The following EHBP1L1 variants were observed in gnomAD, a reference collection of about 807,000 sequenced individuals.
EHBP1L1 encodes EH domain-binding protein 1-like protein 1.
In EHBP1L1, 122 loss-of-function variants were observed where a neutral mutation model predicts 151.1. The ratio of observed to expected loss-of-function variants is 0.81; its 90% confidence interval spans 0.70 to 0.94. The LOEUF (loss-of-function observed/expected upper bound fraction) is 0.94, where lower values mean the gene tolerates loss of function less well. Among genes scored for constraint, EHBP1L1 ranks in the 40% least tolerant of loss-of-function variants. The probability of loss-of-function intolerance (pLI) is 0.00; values close to 1 mark genes in which losing one functional copy is unlikely to be tolerated. For synonymous variants in EHBP1L1, 878 were observed against 810.1 expected (o/e 1.08, Z -1.42); for missense variants, 1,941 against 1,959.8 (o/e 0.99, Z 0.18).
At chr11:65,589,906 G>T (rs982114926) in intron 13 of EHBP1L1, 30 bp from the exon 14 acceptor site, 1 of 1,539,596 alleles carries the variant, frequency 6.5e-7, no homozygotes, top group Non-Finnish European at 8.8e-7. Flanking sequence ...TGGTGGTTAG[G>T]GGGTGCCTTA....
At position 65,592,293 on chromosome 11, in the gene EHBP1L1, G is replaced by A. The variant is rs1322195435; in HGVS notation, c.4563G>A (p.Val1521=). 4 of 1,514,162 alleles carry A rather than the reference G, an allele frequency of 2.6e-6. No homozygotes were observed. Among genetic ancestry groups the A allele is most frequent in the Non-Finnish European group, 3.5e-6 (4 of 1,138,458 alleles). The allele number at this position is 1,514,162 out of a possible 1,614,324, so 93.8% of individuals were successfully genotyped here. ...AGTTGAGCCGGCGGGAGCGCTGCGT[G>A]CTGAGCTGAGGCCGCCGGCCCGGGT... is the stretch of plus-strand genomic sequence containing the variant. The part of the protein sequence containing the change: ...SRQLSRRERC[V]LS Residue 1521 remains valine (V), a synonymous_variant, in exon 19 of 19, where the codon GTG becomes GTA. Coordinates refer to ENST00000309295, the MANE Select transcript of EHBP1L1 (RefSeq NM_001099409.3).
chr11:65,578,008 G>T (rs1332098793), intron 1 of EHBP1L1, among the ~76,000 whole-genome samples: 3 of 152,148 alleles, frequency 2.0e-5, no homozygotes, highest in Non-Finnish European at 2.9e-5. Context: ...CACCCCTCCT[G>T]GGCAGCAGTT....
chr11:65,585,317 ACGGCGGGGCCGAGG>A lies in EHBP1L1; in HGVS notation c.3661_3674del (p.Gly1221ProfsTer92). The A allele has an allele frequency of 9.5e-7, 1 of 1,054,164 alleles. No homozygotes were observed. The highest frequency in any genetic ancestry group is 1.1e-6 in the Non-Finnish European group (1 of 877,056). 65.3% of individuals were successfully genotyped at this position (1,054,164 alleles called of 1,614,324 possible). ...GCGGTCGCGGGCCGCGCCTCCAAGG[ACGGCGGGGCCGAGG>A]CCCCCCGAGAGTCGCGACCCGCGGA... On this transcript the variant is annotated frameshift_variant, in exon 12 of 19. Coordinates refer to ENST00000309295, the MANE Select transcript of EHBP1L1 (RefSeq NM_001099409.3). LOFTEE classifies it high-confidence loss of function. The surrounding 1 kb of genome is among the most constrained non-coding windows in gnomAD (Gnocchi z 4.0).
chr11:65,592,379 C>A lies in EHBP1L1; in HGVS notation c.*77C>A. On this transcript the variant is annotated 3_prime_UTR_variant, in exon 19 of 19. Transcript: ENST00000309295. ...CGCCCCGGGCCTGCGCTGCGGACGA[C>A]CCGGCCGTCCCGGAGGCCGCGCGCG... 9.0e-7 allele frequency: 1 copy of A among 1,107,210 alleles called. No homozygotes were observed. The highest frequency in any genetic ancestry group is 1.1e-6 in the Non-Finnish European group (1 of 893,624). 68.6% of individuals were successfully genotyped at this position (1,107,210 alleles called of 1,614,324 possible). A position where few individuals can be genotyped will look rare whatever the true frequency, so the allele number is the denominator to read the frequency against.
Position 65,583,235 on chromosome 11 carries a change from G to A in EHBP1L1, c.2563G>A (p.Glu855Lys), listed in dbSNP as rs550565329. 73 of 1,613,374 alleles carry A rather than the reference G, an allele frequency of 4.5e-5. No individual in the cohort carries two copies. The South Asian group carries it at 6.3e-4, about 14-fold the overall frequency. Residue 855 changes from glutamate to lysine, a missense_variant, in exon 9 of 19, where the codon GAG becomes AAG. Coordinates refer to ENST00000309295, the MANE Select transcript of EHBP1L1 (RefSeq NM_001099409.3). ...EVGGSGISGP[E>K]AGMAEARVLM... ...CGGGGGTTCAGGGATCTCAGGGCCC[G>A]AGGCTGGAATGGCAGAGGCCCGAGT...
In EHBP1L1 at chr11:65,581,093, G is replaced by A. The variant is rs536418035; in HGVS notation, c.670G>A (p.Glu224Lys). The change falls in exon 7 of 19, where the codon GAG becomes AAG. Residue 224 changes from glutamate to lysine, a missense_variant. Glu to Lys is a moderately conservative substitution (Grantham distance 56). Coordinates refer to ENST00000309295, the MANE Select transcript of EHBP1L1 (RefSeq NM_001099409.3). Reference sequence around the variant, plus strand: ...AGAGCTGAAGACGCTTTGTGAGGAGGAGGAGGAAGGCCAAGGACGACCCCA... The same window carrying A: ...AGAGCTGAAGACGCTTTGTGAGGAGAAGGAGGAAGGCCAAGGACGACCCCA... ...SRELKTLCEE[E>K]EEGQGRPQQA... 9.9e-6 allele frequency: 16 copies of A among 1,612,698 alleles called. No individual in the cohort carries two copies. The Admixed American group carries it at 2.3e-4, about 24-fold the overall frequency.
chr11:65,592,540 A>C lies in EHBP1L1; in HGVS notation c.*238A>C. The C allele has an allele frequency of 5.0e-6, 1 of 199,006 alleles. No homozygotes were observed. Among genetic ancestry groups the C allele is most frequent in the Non-Finnish European group, 1.0e-5 (1 of 100,486 alleles). 12.3% of individuals were successfully genotyped at this position (199,006 alleles called of 1,614,324 possible). On this transcript the variant is annotated 3_prime_UTR_variant, in exon 19 of 19. Transcript: ENST00000309295. ...CGCGGCGGGTGCGGGGTCCTCCCCGACGGCACGGCCGGGCCGGCGGCCTCG... is the reference window on the plus strand; with the variant it reads ...CGCGGCGGGTGCGGGGTCCTCCCCGCCGGCACGGCCGGGCCGGCGGCCTCG...
At chr11:65,592,147 AG>A in intron 18 of EHBP1L1, 55 bp from the exon 19 acceptor site, 1 of 1,609,440 alleles carries the variant, frequency 6.2e-7, no homozygotes, top group Non-Finnish European at 8.5e-7. Context: ...GCTCCCGCAG[AG>A]GGCTGCGTGT....
At chr11:65,584,620 C>T (rs1454619400) in intron 11 of EHBP1L1, 86 bp downstream of exon 11, 57 of 1,527,544 alleles carry the variant, frequency 3.7e-5, no homozygotes, top group Non-Finnish European at 2.8e-5. Flanking sequence ...AGTGGACTGC[C>T]GGGCCCAGCA....
chr11:65,580,987 G>A (rs953798881), intron 6 of EHBP1L1, 71 bp from the exon 7 acceptor site: 1 of 1,531,950 alleles, frequency 6.5e-7, no homozygotes, highest in Admixed American at 2.1e-5. Flanking sequence ...TGTAGTTGGG[G>A]GAGGGGGTCA....
In EHBP1L1 at chr11:65,579,065, C is replaced by A. The variant is rs755018353; in HGVS notation, c.105-13C>A. ...GCCTGCTCCCTTTCTCCCTCCCCTT[C>A]CCCCTCCCCCAGGCAGCCAGATAAG... is the stretch of plus-strand genomic sequence containing the variant. On this transcript the variant is annotated splice_polypyrimidine_tract_variant and intron_variant, in intron 1 of 18. Coordinates refer to ENST00000309295, the MANE Select transcript of EHBP1L1 (RefSeq NM_001099409.3). The A allele has an allele frequency of 7.6e-6, 12 of 1,575,010 alleles. No homozygotes were observed. The highest frequency in any genetic ancestry group is 5.4e-5 in the Admixed American group (3 of 55,074).
chr11:65,585,655 G>A lies in EHBP1L1; in HGVS notation c.3933+64G>A. On this transcript the variant is annotated intron_variant, in intron 12 of 18. Transcript: ENST00000309295. This position sits in a 1 kb window ranked among gnomAD's most constrained non-coding sequence, Gnocchi z 4.0. ...GCGGGGTCCCGGGAAGATGGGCAGA[G>A]AACGGGCGAGCCCCCAAGGGGCCCC... The A allele has an allele frequency of 6.6e-7, 1 of 1,520,220 alleles. No homozygotes were observed. The highest frequency in any genetic ancestry group is 8.8e-7 in the Non-Finnish European group (1 of 1,137,566). The allele number at this position is 1,520,220 out of a possible 1,614,324, so 94.2% of individuals were successfully genotyped here.
At position 65,584,267 on chromosome 11, in the gene EHBP1L1, CCAG is replaced by C; in HGVS notation, c.3121_3123del (p.Gln1041del). ...CACCACCTGCCCTGGTCAGCTCCAG[CCAG>C]TCCCTGCTGGAGTGGTGCCAGGAAG... is the stretch of plus-strand genomic sequence containing the variant. On this transcript the variant is annotated inframe_deletion, in exon 10 of 19. Coordinates refer to ENST00000309295, the MANE Select transcript of EHBP1L1 (RefSeq NM_001099409.3). 1 of 1,611,136 alleles carries C rather than the reference CCAG, an allele frequency of 6.2e-7. No homozygotes were observed. Among genetic ancestry groups the C allele is most frequent in the South Asian group, 1.1e-5 (1 of 90,902 alleles).
At position 65,592,263 on chromosome 11, in the gene EHBP1L1, C is replaced by G. The variant is rs1463575364; in HGVS notation, c.4533C>G (p.Ser1511Arg). 2.0e-6 allele frequency: 3 copies of G among 1,532,268 alleles called. No individual in the cohort carries two copies. The Admixed American group carries it at 5.9e-5, about 30-fold the overall frequency. 94.9% of individuals were successfully genotyped at this position (1,532,268 alleles called of 1,614,324 possible). Reference protein sequence around the residue: ...RGLEQRRRKLSRQLSRRERCV... With the variant: ...RGLEQRRRKLRRQLSRRERCV... The stretch of plus-strand genomic sequence containing the variant: ...TGGAACAGCGGCGCCGCAAGCTGAG[C>G]CGGCAGTTGAGCCGGCGGGAGCGCT... Residue 1511 changes from serine (S) to arginine (R), a missense_variant, in exon 19 of 19, where the codon AGC becomes AGG. Transcript: ENST00000309295.
At position 65,583,246 on chromosome 11, in the gene EHBP1L1, G is replaced by A. The variant is rs1303907569; in HGVS notation, c.2574G>A (p.Met858Ile). The change falls in exon 9 of 19, where the codon ATG (methionine) becomes ATA (isoleucine). Residue 858 changes from methionine to isoleucine, a missense_variant. Met to Ile is a conservative substitution (Grantham distance 10, BLOSUM62 1). Transcript: ENST00000309295. The part of the protein sequence containing the change: ...GSGISGPEAG[M>I]AEARVLMTRK... ...GGATCTCAGGGCCCGAGGCTGGAAT[G>A]GCAGAGGCCCGAGTACTGATGACCC... 1.9e-6 allele frequency: 3 copies of A among 1,613,432 alleles called. 1 individual carries two copies. Among genetic ancestry groups the A allele is most frequent in the Non-Finnish European group, 2.5e-6 (3 of 1,179,800 alleles).
chr11:65,586,329 C>T (rs976575228), intron 12 of EHBP1L1, among the ~76,000 whole-genome samples: 3 of 152,250 alleles, frequency 2.0e-5, no homozygotes, highest in African/African-American at 4.8e-5. Flanking sequence ...GTCCAGGACA[C>T]GGGCTTTCCA....
intron 8 of EHBP1L1, 39 bp downstream of exon 8, chr11:65,581,412 G>A: frequency 6.7e-7 from 1 of 1,491,514 alleles, no homozygotes; most frequent in South Asian, 1.4e-5. Context: ...ATTGCCCCCT[G>A]ATAGGAGCTG....
rs185143614 is a variant in EHBP1L1 at position 65,585,447 on chromosome 11, G to T, written c.3789G>T (p.Gly1263=). The T allele has an allele frequency of 6.6e-7, 1 of 1,511,288 alleles. No homozygotes were observed. The highest frequency in any genetic ancestry group is 8.8e-7 in the Non-Finnish European group (1 of 1,135,258). 93.6% of individuals were successfully genotyped at this position (1,511,288 alleles called of 1,614,324 possible). The change falls in exon 12 of 19, where the codon GGG becomes GGT. Residue 1263 remains glycine, a synonymous_variant. Transcript: ENST00000309295. This position sits in a 1 kb window ranked among gnomAD's most constrained non-coding sequence, Gnocchi z 4.0. ...GGCCCTCGGTCAACGGGGAGCCCGG[G>T]TCGGTGCCCCCGCCCCGCGCGCACG... ...LRRPSVNGEP[G]SVPPPRAHGS...
chr11:65,591,707 G>A (rs1333414107), intron 16 of EHBP1L1, 93 bp from the exon 17 acceptor site: 2 of 1,037,132 alleles, frequency 1.9e-6, no homozygotes, highest in Non-Finnish European at 2.9e-6. Context: ...GTGGGATGGG[G>A]TCAGGGAGTG....
Sources: allele counts gnomAD v4.1 joint callset (sites outside exome capture counted in the v4.1 genomes callset), GRCh38; gene constraint gnomAD v4.1.1; non-coding constraint Gnocchi (gnomAD v3.1); transcripts MANE v1.5; gene names NCBI Gene and HGNC (gene_info 2026-07-23, HGNC 2026-07-21).